KATNIP: variants seen among roughly 807,000 people sequenced by gnomAD.
The protein encoded by KATNIP is katanin-interacting protein.
KATNIP carries 126 observed loss-of-function variants against 174.0 expected under a neutral mutation model. That is an observed-to-expected ratio of 0.72 (90% CI 0.63 to 0.84). The LOEUF (loss-of-function observed/expected upper bound fraction) is 0.84, where lower values mean the gene tolerates loss of function less well. KATNIP is among the 40% of genes least tolerant of loss of function. The probability of loss-of-function intolerance (pLI) is 0.00; values close to 1 mark genes in which losing one functional copy is unlikely to be tolerated. For missense variants in KATNIP, 1,958 were observed against 2,109.7 expected, an observed-to-expected ratio of 0.93 and a Z score of 1.41; for synonymous variants, 810 against 835.7, an observed-to-expected ratio of 0.97 and a Z score of 0.53.
chr16:27,681,122 G>A (rs1334188924), intron 7 of KATNIP: 6 of 347,710 alleles, frequency 1.7e-5, no homozygotes, highest in African/African-American at 6.3e-5. Flanking sequence ...GTGAGCCACC[G>A]CCTGGCTGCC....
intron 6 of KATNIP, among the ~76,000 whole-genome samples, chr16:27,653,846 A>G (rs919953664): frequency 1.5e-4 from 23 of 152,076 alleles, no homozygotes; most frequent in African/African-American, 5.6e-4. Context: ...GTTTTTTGGT[A>G]GAGATAGGGT....
intron 12 of KATNIP, among the ~76,000 whole-genome samples, chr16:27,705,155 C>T (rs2079253319): frequency 6.6e-6 from 1 of 152,102 alleles, no homozygotes. Flanking sequence ...AAGTGATCCA[C>T]CCACCTCGGC....
intron 6 of KATNIP, chr16:27,669,366 C>T (rs953036231): frequency 4.6e-5 from 44 of 950,354 alleles, no homozygotes; most frequent in Non-Finnish European, 5.5e-5. Flanking sequence ...CATCCGATCT[C>T]CACCTGCGGT....
chr16:27,668,652 T>G (rs140514258), intron 6 of KATNIP, among the ~76,000 whole-genome samples: 83 of 152,330 alleles, frequency 5.4e-4, no homozygotes, highest in African/African-American at 1.9e-3. Context: ...AACTTGTACT[T>G]AAGTCCTCCA....
At chr16:27,561,538 G>A (rs926693347) in intron 1 of KATNIP, among the ~76,000 whole-genome samples, 19 of 152,118 alleles carry the variant, frequency 1.2e-4, no homozygotes, top group Admixed American at 1.2e-3. Flanking sequence ...ACCACCCTTA[G>A]CAGTGGACCC....
At chr16:27,586,061 A>T (rs979752247) in intron 2 of KATNIP, among the ~76,000 whole-genome samples, 13 of 152,112 alleles carry the variant, frequency 8.5e-5, no homozygotes, top group Admixed American at 5.9e-4. Flanking sequence ...GATCATGCCA[A>T]TGCACTCCAG....
chr16:27,721,296 C>T (rs945899639), intron 13 of KATNIP, among the ~76,000 whole-genome samples: 17 of 152,138 alleles, frequency 1.1e-4, no homozygotes, highest in African/African-American at 3.6e-4. Context: ...TTTTAAATTC[C>T]GTCTGGTTGG....
chr16:27,692,708 C>G (rs1185432886), intron 8 of KATNIP, among the ~76,000 whole-genome samples: 1 of 152,294 alleles, frequency 6.6e-6, no homozygotes, highest in African/African-American at 2.4e-5. Context: ...CAGTGCGTCC[C>G]CTCCCATCAT....
At chr16:27,756,085 C>T (rs771109157) in intron 18 of KATNIP, among the ~76,000 whole-genome samples, 1 of 152,152 alleles carries the variant, frequency 6.6e-6, no homozygotes, top group African/African-American at 2.4e-5. Flanking sequence ...GAGCAGTGCC[C>T]TAAGTGAGCT....
chr16:27,684,443 C>T (rs1024495630), intron 8 of KATNIP, among the ~76,000 whole-genome samples: 8 of 152,202 alleles, frequency 5.3e-5, no homozygotes, highest in Non-Finnish European at 1.0e-4. Flanking sequence ...AGTAACATGC[C>T]TGAAAATCAG....
rs182378672 is a variant in KATNIP at position 27,640,126 on chromosome 16, G to T, written c.409-8478G>T. 1.3e-4 allele frequency among the ~76,000 whole-genome samples: 20 copies of T among 152,330 alleles called. No homozygotes were observed. In the East Asian group the frequency reaches 3.5e-3, roughly 26 times the overall value. ...CTAGGCATGAACTGGGCTGAGTGTG[G>T]GCCAGGTATGAAATAAGCTGGCCTT... is the stretch of plus-strand genomic sequence containing the variant. On this transcript the variant is annotated intron_variant, in intron 5 of 27. Coordinates refer to ENST00000261588, the MANE Select transcript of KATNIP (RefSeq NM_015202.5).
At chr16:27,666,392 T>TTTTTGTTTTG (rs56799945) in intron 6 of KATNIP, among the ~76,000 whole-genome samples, 1,908 of 149,500 alleles carry the variant, frequency 0.013, 50 homozygotes, top group East Asian at 0.1. Context: ...GGGGAATGAG[T>TTTTTGTTTTG]TTTTGTTTTG....
At chr16:27,627,169 T>C (rs750420217) in intron 3 of KATNIP, among the ~76,000 whole-genome samples, 21 of 152,352 alleles carry the variant, frequency 1.4e-4, no homozygotes, top group Admixed American at 5.9e-4. Flanking sequence ...AGTCCCCCGA[T>C]ACACACGTTC....
At chr16:27,569,387 A>G (rs777274729) in intron 1 of KATNIP, among the ~76,000 whole-genome samples, 1 of 152,254 alleles carries the variant, frequency 6.6e-6, no homozygotes, top group Non-Finnish European at 1.5e-5. Context: ...ACAAAATTCA[A>G]TGCAGTCACT....
chr16:27,550,713 C>A (rs1170503959), intron 1 of KATNIP, among the ~76,000 whole-genome samples: 10 of 152,174 alleles, frequency 6.6e-5, no homozygotes, highest in Admixed American at 6.5e-4. Context: ...AAGCTTCATA[C>A]CAGCCTTTTG....
At chr16:27,634,947 A>G (rs891740566) in intron 5 of KATNIP, among the ~76,000 whole-genome samples, 6 of 152,144 alleles carry the variant, frequency 3.9e-5, no homozygotes, top group African/African-American at 1.4e-4. Context: ...AGTGTTTTTA[A>G]GGGTTTTGGA....
intron 1 of KATNIP, among the ~76,000 whole-genome samples, chr16:27,567,712 CG>C (rs1567443268): frequency 6.6e-6 from 1 of 152,106 alleles, no homozygotes; most frequent in African/African-American, 2.4e-5. Context: ...TTAGTAGAGA[CG>C]GGGTTTCACC....
chr16:27,705,561 A>G (rs572327409), intron 12 of KATNIP, among the ~76,000 whole-genome samples: 160 of 152,306 alleles, frequency 1.1e-3, no homozygotes, highest in African/African-American at 3.6e-3. Context: ...AGGTCTCTGA[A>G]AGCATGCAGC....
chr16:27,765,380 G>A (rs113422945), intron 19 of KATNIP, among the ~76,000 whole-genome samples: 3 of 152,230 alleles, frequency 2.0e-5, no homozygotes, highest in African/African-American at 4.8e-5. Context: ...GGCCAGGACA[G>A]GAGTGCGATA....
Sources: allele counts gnomAD v4.1 joint callset (sites outside exome capture counted in the v4.1 genomes callset), GRCh38; gene constraint gnomAD v4.1.1; transcripts MANE v1.5; gene names NCBI Gene and HGNC (gene_info 2026-07-23, HGNC 2026-07-21).